DLGAP2: variants seen among roughly 807,000 people sequenced by gnomAD.
DLGAP2 encodes disks large-associated protein 2.
A neutral mutation model predicts 100.3 loss-of-function variants in DLGAP2; 26 were observed. The observed-to-expected ratio is 0.26, with a 90% CI of 0.19 to 0.36. The LOEUF (loss-of-function observed/expected upper bound fraction) is 0.36. Ranked by LOEUF, DLGAP2 falls within the 10% of genes least tolerant of loss-of-function variation. The pLI is 1.00. For missense variants in DLGAP2, 1,858 were observed against 1,453.2 expected (o/e 1.28, Z -4.53); for synonymous variants, 886 against 630.1 (o/e 1.41, Z -6.08).
intron 2 of DLGAP2, among the ~76,000 whole-genome samples, chr8:1,198,325 G>T (rs1298475769): frequency 6.6e-6 from 1 of 152,198 alleles, no homozygotes; most frequent in Non-Finnish European, 1.5e-5. Flanking sequence ...CCTCCCTATT[G>T]TTTTGAAATG....
chr8:1,004,321 G>A (rs1801044946), intron 2 of DLGAP2, among the ~76,000 whole-genome samples: 1 of 152,140 alleles, frequency 6.6e-6, no homozygotes, highest in South Asian at 2.1e-4. Flanking sequence ...CCAGCATTTG[G>A]CCACTTTAAT....
intron 4 of DLGAP2, among the ~76,000 whole-genome samples, chr8:1,515,024 G>GACGTGCAGGGAGACCA (rs1355491164): frequency 1.3e-5 from 2 of 151,508 alleles, no homozygotes; most frequent in Non-Finnish European, 1.5e-5. Flanking sequence ...GAGGGAGACC[G>GACGTGCAGGGAGACCA]ACGTGCAGGG....
At chr8:1,128,473 C>T (rs1796220346) in intron 2 of DLGAP2, among the ~76,000 whole-genome samples, 1 of 152,258 alleles carries the variant, frequency 6.6e-6, no homozygotes, top group African/African-American at 2.4e-5. Context: ...TACAGACCCT[C>T]GCCACTGTGT....
Position 1,676,628 on chromosome 8 carries a change from C to T in DLGAP2, c.2288+10C>T, listed in dbSNP as rs750554089. 4.3e-6 allele frequency: 7 copies of T among 1,609,420 alleles called. No individual in the cohort carries two copies. The highest frequency in any genetic ancestry group is 3.4e-5 in the Admixed American group (2 of 59,504). ...TGGAAGATGAGAAGCGGTAACTCAG[C>T]CCCTCCTGACACGCGGTGACCCCCG... On this transcript the variant is annotated intron_variant, in intron 11 of 14. Coordinates refer to ENST00000637795, the MANE Select transcript of DLGAP2 (RefSeq NM_001346810.2).
chr8:1,373,810 GA>G (rs1802314679), intron 3 of DLGAP2: 1 of 152,252 alleles, frequency 6.6e-6, no homozygotes, highest in Admixed American at 6.5e-5. Flanking sequence ...TCAATGCACG[GA>G]ATCTACCCTG....
intron 1 of DLGAP2, among the ~76,000 whole-genome samples, chr8:755,639 C>A (rs1274967255): frequency 6.6e-6 from 1 of 151,948 alleles, no homozygotes; most frequent in Non-Finnish European, 1.5e-5. Flanking sequence ...TATTCCAGGC[C>A]CAGGGAGAGA....
At chr8:1,377,515 G>T (rs149916075) in intron 3 of DLGAP2, among the ~76,000 whole-genome samples, 2 of 152,186 alleles carry the variant, frequency 1.3e-5, no homozygotes, top group Admixed American at 1.3e-4. Context: ...CTGCACTCCA[G>T]CCCGGGCGAT....
intron 2 of DLGAP2, among the ~76,000 whole-genome samples, chr8:1,101,554 A>G (rs1804579151): frequency 6.6e-6 from 1 of 152,172 alleles, no homozygotes; most frequent in Non-Finnish European, 1.5e-5. Flanking sequence ...TCATGGCGGC[A>G]GACGCTCAGT....
At chr8:1,111,440 G>C (rs1423034699) in intron 2 of DLGAP2, among the ~76,000 whole-genome samples, 10 of 151,800 alleles carry the variant, frequency 6.6e-5, no homozygotes, top group Non-Finnish European at 1.5e-5. Context: ...ACATGTGAAG[G>C]CTTCTTACTT....
chr8:1,270,708 G>C, intron 3 of DLGAP2, among the ~76,000 whole-genome samples: 1 of 150,636 alleles, frequency 6.6e-6, no homozygotes, highest in Non-Finnish European at 1.5e-5. Context: ...GTGTCTCTGT[G>C]TGTGTGTGTG....
intron 2 of DLGAP2, among the ~76,000 whole-genome samples, chr8:1,043,476 A>T (rs954055136): frequency 1.3e-5 from 2 of 151,482 alleles, no homozygotes; most frequent in Non-Finnish European, 2.9e-5. Context: ...TAGGTGGTGG[A>T]TGTGTCTACC....
chr8:1,104,205 G>A (rs12547408), intron 2 of DLGAP2, among the ~76,000 whole-genome samples: 15,135 of 152,160 alleles, frequency 0.099, 849 homozygotes, highest in East Asian at 0.22. Flanking sequence ...CCCCGGCCAC[G>A]GTGGAGCCTC....
chr8:1,063,147 A>G (rs186711299), intron 2 of DLGAP2, among the ~76,000 whole-genome samples: 490 of 152,336 alleles, frequency 3.2e-3, no homozygotes, highest in Non-Finnish European at 5.1e-3. Flanking sequence ...GGATAAAAAG[A>G]AAAGAGGGAA....
intron 3 of DLGAP2, among the ~76,000 whole-genome samples, chr8:1,313,644 C>T (rs191782111): frequency 3.3e-5 from 5 of 152,262 alleles, no homozygotes; most frequent in South Asian, 4.2e-4. Flanking sequence ...GGCTTCACAG[C>T]GGCAGGCTCT....
intron 6 of DLGAP2, among the ~76,000 whole-genome samples, chr8:1,623,461 G>A (rs770363341): frequency 5.9e-5 from 9 of 151,822 alleles, no homozygotes; most frequent in African/African-American, 1.2e-4. Context: ...TGACACCAGC[G>A]CGCAATGACC....
At chr8:1,188,111 C>T (rs191176225) in intron 2 of DLGAP2, among the ~76,000 whole-genome samples, 76 of 133,898 alleles carry the variant, frequency 5.7e-4, no homozygotes, top group Non-Finnish European at 1.2e-4. Flanking sequence ...CCGGGACCTC[C>T]GTGACATTTG....
At chr8:1,117,815 C>T (rs899853269) in intron 2 of DLGAP2, among the ~76,000 whole-genome samples, 15 of 152,120 alleles carry the variant, frequency 9.9e-5, no homozygotes, top group African/African-American at 3.6e-4. Flanking sequence ...CACTTGGGCT[C>T]AGAGCCTCCC....
intron 3 of DLGAP2, among the ~76,000 whole-genome samples, chr8:1,363,270 A>G (rs1326025974): frequency 6.6e-6 from 1 of 152,100 alleles, no homozygotes; most frequent in Non-Finnish European, 1.5e-5. Flanking sequence ...CCCCACGCCC[A>G]TGGCATGCTT....
At chr8:1,329,844 A>G (rs1801108280) in intron 3 of DLGAP2, among the ~76,000 whole-genome samples, 1 of 152,206 alleles carries the variant, frequency 6.6e-6, no homozygotes, top group Admixed American at 6.5e-5. Context: ...CATACCAAAC[A>G]GGCCTAGGAT....
Sources: allele counts gnomAD v4.1 joint callset (sites outside exome capture counted in the v4.1 genomes callset), GRCh38; gene constraint gnomAD v4.1.1; transcripts MANE v1.5; gene names NCBI Gene and HGNC (gene_info 2026-07-23, HGNC 2026-07-21).